Variants in NBPF6 observed in about 807,000 individuals in gnomAD.
The protein encoded by NBPF6 is NBPF family member NBPF6.
Under a neutral mutation model 20.8 loss-of-function variants are expected in NBPF6, and 2 were observed. The ratio of observed to expected loss-of-function variants is 0.10; its 90% CI spans 0.04 to 0.30. The LOEUF is 0.30. Among genes scored for constraint, NBPF6 ranks in the 10% least tolerant of loss-of-function variants. NBPF6 has a pLI of 1.00. For missense variants in NBPF6, 85 were observed against 260.3 expected (o/e 0.33, Z 4.63); for synonymous variants, 24 against 100.0 (o/e 0.24, Z 4.53).
chr1:108,460,273 CAG>C (rs1312922156), intron 10 of NBPF6, among the ~76,000 whole-genome samples, 171 bp downstream of exon 10: 2 of 20,020 alleles, frequency 1.0e-4, no homozygotes, highest in East Asian at 1.0e-3. Flanking sequence ...GAAGCACAGA[CAG>C]GGGTGGGTCA....
At chr1:108,450,309 A>T, upstream of NBPF6, 2 of 145,750 alleles carry the variant, frequency 1.4e-5, 1 homozygote, top group African/African-American at 8.7e-5. Context: ...GCAACTGCAG[A>T]CCGTTACCTG....
chr1:108,471,764 A>G lies in NBPF6; in HGVS notation c.*1126A>G, dbSNP rs1571387409. Among the ~76,000 whole-genome samples the G allele has an allele frequency of 2.0e-5, 3 of 152,242 alleles. No individual in the cohort carries two copies. Among genetic ancestry groups the G allele is most frequent in the African/African-American group, 7.2e-5 (3 of 41,454 alleles). On this transcript the variant is annotated 3_prime_UTR_variant, in exon 15 of 15. Coordinates refer to ENST00000495380, the MANE Select transcript of NBPF6 (RefSeq NM_001143988.2). The stretch of plus-strand genomic sequence containing the variant: ...TTTAGTCCATTAAAGTTAAAATGTT[A>G]AAGTTTTAAATCACTTTAATTAAAT...
the NBPF6 span, among the ~76,000 whole-genome samples, chr1:108,437,943 C>A: frequency 1.8e-5 from 1 of 54,288 alleles, no homozygotes; most frequent in South Asian, 5.4e-4. Flanking sequence ...AATAAGTAAC[C>A]TAACATTATA....
chr1:108,449,023 C>T (rs187368999), upstream of NBPF6, among the ~76,000 whole-genome samples: 585 of 27,110 alleles, frequency 0.022, 111 homozygotes, highest in African/African-American at 0.036. Flanking sequence ...TGTCGCTACA[C>T]AGTGTAGGTG....
At position 108,471,818 on chromosome 1, in the gene NBPF6, AT is replaced by A. The variant is rs1653492207; in HGVS notation, c.*1185del. Among the ~76,000 whole-genome samples, 1 of 152,186 alleles carries A rather than the reference AT, an allele frequency of 6.6e-6. No homozygotes were observed. The highest frequency in any genetic ancestry group is 1.5e-5 in the Non-Finnish European group (1 of 68,032). On this transcript the variant is annotated 3_prime_UTR_variant, in exon 15 of 15. Coordinates refer to ENST00000495380, the MANE Select transcript of NBPF6 (RefSeq NM_001143988.2). ...TTTGCCTATCACCCTGGACTAGTGA[AT>A]TTTTCACATACAATGTTTTAAGCTT... is the stretch of plus-strand genomic sequence containing the variant.
Position 108,452,198 on chromosome 1 carries a change from GAGTA to G in NBPF6, c.188_191del (p.Glu63AlafsTer5), listed in dbSNP as rs1558073574. The G allele has an allele frequency of 2.3e-6, 1 of 443,142 alleles. No individual in the cohort carries two copies. The highest frequency in any genetic ancestry group is 3.8e-6 in the Non-Finnish European group (1 of 261,700). The allele number at this position is 443,142 out of a possible 1,614,324, so 27.5% of individuals were successfully genotyped here. ...TGTCTGTCTTTTCTCAGAGTGTGAAGAGTACAAAGACATCATAGACTCTGTGCTG... is the reference window on the plus strand; with the variant it reads ...TGTCTGTCTTTTCTCAGAGTGTGAAGCAAAGACATCATAGACTCTGTGCTG... On this transcript the variant is annotated frameshift_variant, in exon 3 of 15. Coordinates refer to ENST00000495380, the MANE Select transcript of NBPF6 (RefSeq NM_001143988.2). LOFTEE classifies it high-confidence loss of function.
At chr1:108,468,097 CTT>C (rs1156897887) in intron 14 of NBPF6, among the ~76,000 whole-genome samples, 3 of 151,240 alleles carry the variant, frequency 2.0e-5, no homozygotes, top group African/African-American at 4.9e-5. Flanking sequence ...AGATTTTCCT[CTT>C]GAGTCTTCTT....
chr1:108,441,673 G>GAA, the NBPF6 span, among the ~76,000 whole-genome samples: 1 of 68,862 alleles, frequency 1.5e-5, no homozygotes, highest in Admixed American at 1.5e-4. Flanking sequence ...AACAAATCCA[G>GAA]AAAAAAAAAA....
At chr1:108,467,821 C>A (rs1019700797) in intron 14 of NBPF6, among the ~76,000 whole-genome samples, 156 bp downstream of exon 14, 2 of 151,100 alleles carry the variant, frequency 1.3e-5, no homozygotes, top group African/African-American at 2.5e-5. Context: ...GGGCTCCCAC[C>A]CTGACTGGCC....
chr1:108,471,234 C>A lies in NBPF6; in HGVS notation c.*596C>A, dbSNP rs12759224. ...CTCCTTATCTTTTTGTTGTTGTCAT[C>A]GATGGTGGTGACATGGACTTGTTTG... On this transcript the variant is annotated 3_prime_UTR_variant, in exon 15 of 15. Coordinates refer to ENST00000495380, the MANE Select transcript of NBPF6 (RefSeq NM_001143988.2). 0.28 allele frequency among the ~76,000 whole-genome samples: 42,618 copies of A among 152,120 alleles called. 6,593 individuals carry two copies. Among genetic ancestry groups the A allele is most frequent in the Non-Finnish European group, 0.37 (24,929 of 67,990 alleles).
upstream of NBPF6, among the ~76,000 whole-genome samples, chr1:108,449,003 C>G (rs1382772233): frequency 7.5e-5 from 2 of 26,508 alleles, 1 homozygote; most frequent in African/African-American, 1.3e-4. Flanking sequence ...TTTGCTACAT[C>G]TCAAAGCACT....
At chr1:108,464,990 C>G (rs1316346559) in intron 12 of NBPF6, among the ~76,000 whole-genome samples, 198 bp from the exon 13 acceptor site, 1 of 62,570 alleles carries the variant, frequency 1.6e-5, no homozygotes, top group Non-Finnish European at 3.3e-5. Context: ...GACACCCCAG[C>G]CTGGGCCCCT....
chr1:108,470,626 G>C lies in NBPF6; in HGVS notation c.1905G>C (p.Arg635Ser), dbSNP rs1357104197. Reference protein sequence around the residue: ...EIPNTAERMQRMIG With the variant: ...EIPNTAERMQSMIG ...CAAATACTGCTGAAAGGATGCAAAG[G>C]ATGATAGGATGAAAGAATGTCACAA... is the stretch of plus-strand genomic sequence containing the variant. Residue 635 changes from arginine (R) to serine (S), a missense_variant, in exon 15 of 15, where the codon AGG becomes AGC. Arg to Ser is a moderately radical substitution (Grantham distance 110). Coordinates refer to ENST00000495380, the MANE Select transcript of NBPF6 (RefSeq NM_001143988.2). 2 of 1,557,672 alleles carry C rather than the reference G, an allele frequency of 1.3e-6. No homozygotes were observed. The highest frequency in any genetic ancestry group is 3.9e-5 in the Admixed American group (2 of 51,586).
rs1304774847 is a variant in NBPF6, at chr1:108,465,350, C to T, written c.1586C>T (p.Ala529Val). Residue 529 changes from alanine to valine, a missense_variant, in exon 13 of 15, where the codon GCC becomes GTC. Coordinates refer to ENST00000495380, the MANE Select transcript of NBPF6 (RefSeq NM_001143988.2). ...DQGFHCGNGL[A>V]QRGLSSTTCS... ...GGGTTCCACTGTGGGAACGGCTTGG[C>T]CCAGCGGGGCCTTTCCTCCACCACC... 9.3e-7 allele frequency: 1 copy of T among 1,075,382 alleles called. No individual in the cohort carries two copies. The highest frequency in any genetic ancestry group is 3.2e-5 in the East Asian group (1 of 31,100). 66.6% of individuals were successfully genotyped at this position (1,075,382 alleles called of 1,614,324 possible). A position where few individuals can be genotyped will look rare whatever the true frequency, so the allele number is the denominator to read the frequency against.
upstream of NBPF6, among the ~76,000 whole-genome samples, chr1:108,446,521 C>CA (rs1324437298): frequency 0.32 from 3,414 of 10,520 alleles, 440 homozygotes; most frequent in East Asian, 0.53. Flanking sequence ...GAACCTGTCT[C>CA]AAAAAAAAAA....
chr1:108,442,636 CA>C, the NBPF6 span, among the ~76,000 whole-genome samples: 3 of 131,220 alleles, frequency 2.3e-5, no homozygotes, highest in Non-Finnish European at 4.9e-5. Flanking sequence ...ACAAGATATT[CA>C]ATATCATTAG....
rs1366277084 is a variant in NBPF6, at chr1:108,470,880, G to A, written c.*242G>A. 3 of 395,084 alleles carry A rather than the reference G, an allele frequency of 7.6e-6. No homozygotes were observed. The highest frequency in any genetic ancestry group is 4.4e-5 in the Admixed American group (1 of 22,506). The allele number at this position is 395,084 out of a possible 1,614,324, so 24.5% of individuals were successfully genotyped here. A position where few individuals can be genotyped will look rare whatever the true frequency, so the allele number is the denominator to read the frequency against. On this transcript the variant is annotated 3_prime_UTR_variant, in exon 15 of 15. Coordinates refer to ENST00000495380, the MANE Select transcript of NBPF6 (RefSeq NM_001143988.2). ...CCAGATGGACAAATAGCATTGACTG[G>A]CGTTAGCCCTGTTTCTCAATTCCCA...
intron 14 of NBPF6, among the ~76,000 whole-genome samples, chr1:108,470,291 AAAGCC>A (rs1430613098): frequency 1.4e-4 from 17 of 118,890 alleles, no homozygotes; most frequent in African/African-American, 5.9e-4. Flanking sequence ...ACTGGGAGGA[AAAGCC>A]CTCACTCTGC....
At position 108,470,899 on chromosome 1, in the gene NBPF6, A is replaced by T. The variant is rs376781932; in HGVS notation, c.*261A>T. The T allele has an allele frequency of 3.9e-5, 14 of 355,500 alleles. No individual in the cohort carries two copies. Among genetic ancestry groups the T allele is most frequent in the Middle Eastern group, 1.6e-3 (2 of 1,234 alleles). 22.0% of individuals were successfully genotyped at this position (355,500 alleles called of 1,614,324 possible). A position where few individuals can be genotyped will look rare whatever the true frequency, so the allele number is the denominator to read the frequency against. ...TGACTGGCGTTAGCCCTGTTTCTCA[A>T]TTCCCATCATGTAGAGAACAGGAGT... is the stretch of plus-strand genomic sequence containing the variant. On this transcript the variant is annotated 3_prime_UTR_variant, in exon 15 of 15. Transcript: ENST00000495380.
Sources: gnomAD v4.1 joint callset for allele counts (sites outside exome capture counted in the v4.1 genomes callset) on GRCh38, gnomAD v4.1.1 for gene constraint, MANE v1.5 for transcripts, NCBI Gene and HGNC (gene_info 2026-07-23, HGNC 2026-07-21) for gene names.